ZBTB44: variants seen among roughly 807,000 people sequenced by gnomAD.
ZBTB44 encodes zinc finger and BTB domain containing 44, also known as zinc finger and BTB domain-containing protein 44.
Under a neutral mutation model 54.0 loss-of-function variants are expected in ZBTB44, and 15 were observed. The ratio of observed to expected loss-of-function variants is 0.28; its 90% CI spans 0.19 to 0.43. The LOEUF is 0.43. Ranked by LOEUF, ZBTB44 falls within the 20% of genes least tolerant of loss-of-function variation. The pLI is 1.00. For synonymous variants in ZBTB44, 230 were observed against 250.1 expected (o/e 0.92, Z 0.76); for missense variants, 487 against 707.1 (o/e 0.69, Z 3.53).
rs76318079 is a variant in ZBTB44, at chr11:130,275,128, T to C, written c.-56-13199A>G. On this transcript the variant is annotated intron_variant, in intron 1 of 7. Transcript: ENST00000357899. ...TTTCATAGTATTCTTTTATGATCTT[T>C]ATTATTTCCTTCCTTATGCCTCCTT... 2.4e-3 allele frequency among the ~76,000 whole-genome samples: 370 copies of C among 152,324 alleles called. 3 individuals are homozygous for C. The highest frequency in any genetic ancestry group is 8.5e-3 in the African/African-American group (354 of 41,572).
intron 1 of ZBTB44, among the ~76,000 whole-genome samples, chr11:130,275,884 C>A (rs2134229987): frequency 6.6e-6 from 1 of 151,994 alleles, no homozygotes; most frequent in South Asian, 2.1e-4. Context: ...CCTTGGCCTC[C>A]CAAAGTGCTG....
chr11:130,274,571 G>T (rs1450556983), intron 1 of ZBTB44, among the ~76,000 whole-genome samples: 1 of 152,048 alleles, frequency 6.6e-6, no homozygotes, highest in African/African-American at 2.4e-5. Context: ...ATCACTAAAG[G>T]GAATTCAATG....
intron 1 of ZBTB44, among the ~76,000 whole-genome samples, chr11:130,289,123 T>C (rs1298538496): frequency 6.6e-6 from 1 of 152,010 alleles, no homozygotes; most frequent in African/African-American, 2.4e-5. Flanking sequence ...TGAAGATGGA[T>C]GGGTGTAATG....
At chr11:130,280,789 G>A (rs1218381204) in intron 1 of ZBTB44, among the ~76,000 whole-genome samples, 1 of 152,134 alleles carries the variant, frequency 6.6e-6, no homozygotes, top group Non-Finnish European at 1.5e-5. Context: ...AATTACTTGG[G>A]TGTAAATAAT....
At position 130,276,213 on chromosome 11, in the gene ZBTB44, T is replaced by C. The variant is rs546005507; in HGVS notation, c.-56-14284A>G. Among the ~76,000 whole-genome samples, 5 of 106,146 alleles carry C rather than the reference T, an allele frequency of 4.7e-5. No individual in the cohort carries two copies. In the East Asian group the frequency reaches 1.2e-3, roughly 25 times the overall value. 69.6% of individuals were successfully genotyped at this position (106,146 alleles called of 152,430 possible). ...GGCATTCCAGCCTAAGCAACAAGAGTGAACGTGAAACTCTGTCTCAAAAAA... is the reference window on the plus strand; with the variant it reads ...GGCATTCCAGCCTAAGCAACAAGAGCGAACGTGAAACTCTGTCTCAAAAAA... On this transcript the variant is annotated intron_variant, in intron 1 of 7. Transcript: ENST00000357899.
At position 130,286,644 on chromosome 11, in the gene ZBTB44, C is replaced by T. The variant is rs975867457; in HGVS notation, c.-56-24715G>A. 3.3e-5 allele frequency among the ~76,000 whole-genome samples: 5 copies of T among 152,196 alleles called. No individual in the cohort carries two copies. In the South Asian group the frequency reaches 6.2e-4, roughly 19 times the overall value. On this transcript the variant is annotated intron_variant, in intron 1 of 7. Transcript: ENST00000357899. ...AAAACTCAGTGACAGATTTCTTCACCTCATGCATAATTAGGCTTTGAGTAT... is the reference window on the plus strand; with the variant it reads ...AAAACTCAGTGACAGATTTCTTCACTTCATGCATAATTAGGCTTTGAGTAT...
chr11:130,297,840 A>G (rs1356202579), intron 1 of ZBTB44, among the ~76,000 whole-genome samples: 3 of 152,334 alleles, frequency 2.0e-5, no homozygotes, highest in East Asian at 1.9e-4. Flanking sequence ...AAACTAATAC[A>G]TGTTGCTTTT....
intron 1 of ZBTB44, among the ~76,000 whole-genome samples, chr11:130,289,984 C>T (rs1198937424): frequency 6.6e-6 from 1 of 152,162 alleles, no homozygotes; most frequent in Admixed American, 6.5e-5. Context: ...GCTAAAACCC[C>T]CAAATGTCCA....
intron 1 of ZBTB44, among the ~76,000 whole-genome samples, chr11:130,273,436 A>T (rs1290515034): frequency 6.6e-6 from 1 of 150,962 alleles, no homozygotes; most frequent in East Asian, 2.0e-4. Context: ...CAGTCTCCTG[A>T]GTAGCTGGGA....
At chr11:130,305,402 A>T (rs540734636) in intron 1 of ZBTB44, among the ~76,000 whole-genome samples, 1 of 152,340 alleles carries the variant, frequency 6.6e-6, no homozygotes, top group South Asian at 2.1e-4. Flanking sequence ...CTGGTATAAA[A>T]ACAGGCATGT....
intron 1 of ZBTB44, among the ~76,000 whole-genome samples, chr11:130,287,891 TA>T (rs1387332629): frequency 1.4e-5 from 2 of 144,000 alleles, no homozygotes; most frequent in Non-Finnish European, 3.0e-5. Context: ...CTTAGAAATT[TA>T]AAAAATTATT....
rs546251075 is a variant in ZBTB44, at chr11:130,260,321, C to T, written c.1018+535G>A. ...TGTTTTCACAGAAATGACATTCCCA[C>T]ACTTGGGTAAACTCTTACTTATTGC... On this transcript the variant is annotated intron_variant, in intron 2 of 7. Transcript: ENST00000357899. Among the ~76,000 whole-genome samples the T allele has an allele frequency of 1.5e-3, 228 of 152,326 alleles. 1 individual carries two copies. Among genetic ancestry groups the T allele is most frequent in the South Asian group, 2.3e-3 (11 of 4,828 alleles).
intron 1 of ZBTB44, among the ~76,000 whole-genome samples, chr11:130,305,421 G>A (rs1433918593): frequency 6.6e-6 from 1 of 152,132 alleles, no homozygotes; most frequent in Non-Finnish European, 1.5e-5. Flanking sequence ...GTAGACCGAT[G>A]GAACAGAATA....
chr11:130,246,762 C>A (rs937279813), intron 2 of ZBTB44, among the ~76,000 whole-genome samples: 1 of 152,184 alleles, frequency 6.6e-6, no homozygotes, highest in South Asian at 2.1e-4. Context: ...CAGAAACAGG[C>A]TTGGCACTCA....
At chr11:130,248,245 C>T (rs1292611181) in intron 2 of ZBTB44, among the ~76,000 whole-genome samples, 1 of 152,188 alleles carries the variant, frequency 6.6e-6, no homozygotes, top group Non-Finnish European at 1.5e-5. Context: ...GCCTTCAATA[C>T]CGCAAGGAAT....
intron 1 of ZBTB44, among the ~76,000 whole-genome samples, chr11:130,305,307 T>C (rs1164725381): frequency 6.6e-6 from 1 of 152,146 alleles, no homozygotes; most frequent in African/African-American, 2.4e-5. Flanking sequence ...AAAGCAAGAC[T>C]AAGCAAAAAT....
At chr11:130,310,898 G>A (rs750134150) in intron 1 of ZBTB44, among the ~76,000 whole-genome samples, 12 of 152,134 alleles carry the variant, frequency 7.9e-5, no homozygotes, top group Non-Finnish European at 1.3e-4. Context: ...CACCATGCCC[G>A]GCTAATCCAA....
intron 1 of ZBTB44, among the ~76,000 whole-genome samples, chr11:130,270,421 C>G (rs1185908913): frequency 6.6e-6 from 1 of 152,192 alleles, no homozygotes; most frequent in Non-Finnish European, 1.5e-5. Flanking sequence ...CCAGATAGAA[C>G]ACTAGGGGCT....
chr11:130,248,078 T>C (rs920371495), intron 2 of ZBTB44, among the ~76,000 whole-genome samples: 2 of 152,208 alleles, frequency 1.3e-5, no homozygotes, highest in African/African-American at 4.8e-5. Context: ...TTGAAAATAA[T>C]ACACTAAACA....
Sources: allele counts gnomAD v4.1 joint callset (sites outside exome capture counted in the v4.1 genomes callset), GRCh38; gene constraint gnomAD v4.1.1; transcripts MANE v1.5; gene names NCBI Gene and HGNC (gene_info 2026-07-23, HGNC 2026-07-21).